UGT2A1: variants seen among roughly 807,000 people sequenced by gnomAD.
UGT2A1 encodes the protein UDP-glucuronosyltransferase 2A1.
A neutral mutation model predicts 45.4 loss-of-function variants in UGT2A1; 61 were observed. The ratio of observed to expected loss-of-function variants is 1.34; its 90% confidence interval spans 1.09 to 1.66. The LOEUF is 1.66. Ranked by LOEUF, UGT2A1 falls within the 40% of genes most tolerant of loss-of-function variation. The pLI, the probability that UGT2A1 is intolerant of heterozygous loss-of-function variation, is 0.00. For missense variants in UGT2A1, 649 were observed against 574.3 expected (o/e 1.13, Z -1.33); for synonymous variants, 229 against 196.2 (o/e 1.17, Z -1.40).
At chr4:69,591,576 G>T (rs969623173) in intron 6 of UGT2A1, among the ~76,000 whole-genome samples, 5 of 152,102 alleles carry the variant, frequency 3.3e-5, no homozygotes, top group Admixed American at 2.0e-4. Context: ...TGATGCTAAT[G>T]CCAGAGAGGT....
chr4:69,596,319 T>G, intron 4 of UGT2A1: 1 of 1,609,032 alleles, frequency 6.2e-7, no homozygotes, highest in Non-Finnish European at 8.5e-7. Flanking sequence ...TTTTGACCAT[T>G]GATCCCAGAG....
chr4:69,599,000 G>A (rs1480408519), intron 4 of UGT2A1, among the ~76,000 whole-genome samples: 3 of 152,194 alleles, frequency 2.0e-5, no homozygotes, highest in Non-Finnish European at 4.4e-5. Flanking sequence ...CCAGTATCAA[G>A]GTGTAGACAC....
chr4:69,601,254 A>C (rs939266460), intron 3 of UGT2A1, among the ~76,000 whole-genome samples: 2 of 152,054 alleles, frequency 1.3e-5, no homozygotes, highest in African/African-American at 4.8e-5. Context: ...CACTGTGACC[A>C]CTACTCATGC....
chr4:69,646,800 C>T (rs1209439618), intron 2 of UGT2A1, 130 bp downstream of exon 2: 1 of 587,396 alleles, frequency 1.7e-6, no homozygotes, highest in Non-Finnish European at 2.7e-6. Flanking sequence ...TTTCTGCTAT[C>T]AAGTGATAGT....
In UGT2A1 at chr4:69,616,823, ATTTTC is replaced by A. The variant is rs1399715896; in HGVS notation, c.848-17434_848-17430del. Among the ~76,000 whole-genome samples the A allele has an allele frequency of 1.1e-3, 115 of 109,088 alleles. 1 individual carries two copies. In the South Asian group the frequency reaches 0.039, roughly 37 times the overall value. The allele number at this position is 109,088 out of a possible 152,430, so 71.6% of individuals were successfully genotyped here. On this transcript the variant is annotated intron_variant, in intron 3 of 6. Transcript: ENST00000286604. ...ATGACACTTTCTAAATTTCTCTGCC[ATTTTC>A]TTTTCTTTTTTTTTTTTTTTTTGAA...
Position 69,635,635 on chromosome 4 carries a change from G to A in UGT2A1, c.847+56C>T, listed in dbSNP as rs1422983969. ...ACTTGAGGTCAGGAACTTGAGACCA[G>A]CCTCGCCAACATGGTGAAACCTCGT... is the stretch of plus-strand genomic sequence containing the variant. On this transcript the variant is annotated intron_variant, in intron 3 of 6. Transcript: ENST00000286604. 3.0e-5 allele frequency: 6 copies of A among 198,404 alleles called. No individual in the cohort carries two copies. In the South Asian group the frequency reaches 3.2e-4, roughly 11 times the overall value. The allele number at this position is 198,404 out of a possible 1,614,324, so 12.3% of individuals were successfully genotyped here.
intron 3 of UGT2A1, among the ~76,000 whole-genome samples, chr4:69,614,211 C>T (rs1395626969): frequency 6.6e-6 from 1 of 151,864 alleles, no homozygotes; most frequent in Admixed American, 6.6e-5. Flanking sequence ...AGGAAGTAAT[C>T]CCATTTGCAA....
rs1353464439 is a variant in UGT2A1 at position 69,593,594 on chromosome 4, ACT to A, written c.1304+881_1304+882del. On this transcript the variant is annotated intron_variant, in intron 6 of 6. Coordinates refer to ENST00000286604, the MANE Select transcript of UGT2A1 (RefSeq NM_001252275.3). Reference sequence around the variant, plus strand: ...TAATATACTAAGCTATGTATACATAACTCAATATATTTTATAGATTCATTTCA... The same window carrying A: ...TAATATACTAAGCTATGTATACATAACAATATATTTTATAGATTCATTTCA... 3.3e-5 allele frequency among the ~76,000 whole-genome samples: 5 copies of A among 151,536 alleles called. No individual in the cohort carries two copies. The East Asian group carries it at 7.8e-4, about 24-fold the overall frequency.
chr4:69,639,217 G>A, intron 2 of UGT2A1: 1 of 1,613,548 alleles, frequency 6.2e-7, no homozygotes, highest in Non-Finnish European at 8.5e-7. Flanking sequence ...ATCAACTTTG[G>A]GTTCTTTAGT....
At position 69,647,562 on chromosome 4, in the gene UGT2A1, A is replaced by G. The variant is rs750134057; in HGVS notation, c.83T>C (p.Met28Thr). 6.2e-7 allele frequency: 1 copy of G among 1,612,214 alleles called. No homozygotes were observed. Among genetic ancestry groups the G allele is most frequent in the Non-Finnish European group, 8.5e-7 (1 of 1,178,992 alleles). Residue 28 changes from methionine (M) to threonine (T), a missense_variant, in exon 2 of 7, where the codon ATG (methionine) becomes ACG (threonine). By Grantham distance (81) the Met-to-Thr change is moderately conservative. Coordinates refer to ENST00000286604, the MANE Select transcript of UGT2A1 (RefSeq NM_001252275.3). Reference protein sequence around the residue: ...TLGGNVLIWPMEGSHWLNVKI... With the variant: ...TLGGNVLIWPTEGSHWLNVKI... ...AACATTTAGCCAATGACTACCTTCCATTGGCCAAATCAAAACATTCCCACC... is the reference window on the plus strand; with the variant it reads ...AACATTTAGCCAATGACTACCTTCCGTTGGCCAAATCAAAACATTCCCACC...
intron 2 of UGT2A1, among the ~76,000 whole-genome samples, chr4:69,637,707 T>C (rs1411387705): frequency 3.9e-5 from 6 of 152,120 alleles, no homozygotes; most frequent in African/African-American, 1.4e-4. Context: ...TATATATTTA[T>C]TTTATTTATT....
At chr4:69,622,889 C>A (rs1720831103) in intron 3 of UGT2A1, among the ~76,000 whole-genome samples, 1 of 151,756 alleles carries the variant, frequency 6.6e-6, no homozygotes, top group Non-Finnish European at 1.5e-5. Context: ...AAAAATTCAG[C>A]CTCATTTATA....
At chr4:69,649,532 A>G (rs919493094) in intron 1 of UGT2A1, among the ~76,000 whole-genome samples, 2 of 152,120 alleles carry the variant, frequency 1.3e-5, no homozygotes, top group African/African-American at 4.8e-5. Flanking sequence ...GAGAGGAGAA[A>G]GCAAGAAACC....
intron 3 of UGT2A1, among the ~76,000 whole-genome samples, chr4:69,618,342 C>G (rs1052607081): frequency 1.5e-5 from 2 of 137,512 alleles, no homozygotes; most frequent in Non-Finnish European, 3.3e-5. Flanking sequence ...CCAGTAACCC[C>G]AGGAACTCAT....
intron 2 of UGT2A1, chr4:69,639,205 C>A: frequency 6.2e-7 from 1 of 1,613,622 alleles, no homozygotes; most frequent in Non-Finnish European, 8.5e-7. Context: ...TGAAGTCTTG[C>A]CATCAACTTT....
chr4:69,591,941 ATTTCT>A (rs1718616935), intron 6 of UGT2A1, among the ~76,000 whole-genome samples: 6 of 152,204 alleles, frequency 3.9e-5, no homozygotes, highest in African/African-American at 1.4e-4. Context: ...ATGAATTATG[ATTTCT>A]AAAATTATGA....
chr4:69,641,212 T>G (rs1335155532), intron 2 of UGT2A1, among the ~76,000 whole-genome samples: 1 of 151,980 alleles, frequency 6.6e-6, no homozygotes, highest in African/African-American at 2.4e-5. Flanking sequence ...ACTTCCACTT[T>G]TACGTAATAT....
intron 3 of UGT2A1, among the ~76,000 whole-genome samples, chr4:69,615,184 A>G (rs1429555220): frequency 1.3e-5 from 2 of 152,008 alleles, no homozygotes; most frequent in African/African-American, 4.8e-5. Context: ...CTCACCATAC[A>G]CAAAAATCAA....
chr4:69,633,491 ACAAGAATGT>A (rs371049692), intron 3 of UGT2A1, among the ~76,000 whole-genome samples: 9 of 152,194 alleles, frequency 5.9e-5, no homozygotes, highest in African/African-American at 2.2e-4. Context: ...AATATTAGGT[ACAAGAATGT>A]TCAAAGCAGT....
Sources: gnomAD v4.1 joint callset for allele counts (sites outside exome capture counted in the v4.1 genomes callset) on GRCh38, gnomAD v4.1.1 for gene constraint, MANE v1.5 for transcripts, NCBI Gene and HGNC (gene_info 2026-07-23, HGNC 2026-07-21) for gene names.